Variants in PLEKHA7 observed in about 807,000 individuals in gnomAD.
PLEKHA7 encodes the protein pleckstrin homology domain containing A7.
A neutral mutation model predicts 170.0 loss-of-function variants in PLEKHA7; 104 were observed. The observed-to-expected ratio is 0.61, with a 90% confidence interval of 0.52 to 0.72. PLEKHA7 has a LOEUF of 0.72. PLEKHA7 is among the 30% of genes least tolerant of loss of function. The pLI is 0.00. For synonymous variants in PLEKHA7, 648 were observed against 660.8 expected, an observed-to-expected ratio of 0.98 and a Z score of 0.30; for missense variants, 1,615 against 1,671.7, an observed-to-expected ratio of 0.97 and a Z score of 0.59.
At chr11:16,840,809 C>A (rs537545784) in intron 9 of PLEKHA7, among the ~76,000 whole-genome samples, 1 of 152,194 alleles carries the variant, frequency 6.6e-6, no homozygotes, top group South Asian at 2.1e-4. Flanking sequence ...GGAAGTACCA[C>A]GAATTCCGAA....
intron 3 of PLEKHA7, among the ~76,000 whole-genome samples, chr11:17,003,937 C>T (rs1371464299): frequency 6.6e-6 from 1 of 152,136 alleles, no homozygotes; most frequent in African/African-American, 2.4e-5. Context: ...TTAAGTCCTC[C>T]TGTACATCCT....
intron 3 of PLEKHA7, among the ~76,000 whole-genome samples, chr11:17,012,598 T>C (rs7117262): frequency 0.63 from 96,582 of 152,132 alleles, 31,310 homozygotes; most frequent in East Asian, 0.96. Context: ...TATTATTATT[T>C]GTGTTTTTTA....
At chr11:16,933,315 T>A (rs1860070860) in intron 3 of PLEKHA7, among the ~76,000 whole-genome samples, 1 of 152,238 alleles carries the variant, frequency 6.6e-6, no homozygotes, top group Non-Finnish European at 1.5e-5. Context: ...CCAGTCTGAC[T>A]ACAGTTCCAT....
At chr11:16,993,924 C>T (rs1241282905) in intron 3 of PLEKHA7, among the ~76,000 whole-genome samples, 4 of 152,202 alleles carry the variant, frequency 2.6e-5, no homozygotes, top group African/African-American at 9.6e-5. Context: ...CAAGGAGGTG[C>T]AAGGTGTTAG....
intron 3 of PLEKHA7, among the ~76,000 whole-genome samples, chr11:16,989,792 C>A (rs1863926799): frequency 6.6e-6 from 1 of 151,778 alleles, no homozygotes. Context: ...CCTCTTTTGG[C>A]CCCCCCGCCC....
intron 10 of PLEKHA7, among the ~76,000 whole-genome samples, chr11:16,822,513 A>G (rs1479631103): frequency 6.6e-6 from 1 of 150,566 alleles, no homozygotes; most frequent in Non-Finnish European, 1.5e-5. Flanking sequence ...AAAAAAAAAA[A>G]AAAAAAAAAA....
intron 3 of PLEKHA7, among the ~76,000 whole-genome samples, chr11:17,004,019 GACT>G (rs1864831425): frequency 6.6e-6 from 1 of 152,188 alleles, no homozygotes; most frequent in Non-Finnish European, 1.5e-5. Context: ...TGTCACCTAA[GACT>G]GAACAGGGGG....
At chr11:16,910,564 C>T (rs1227021118) in intron 3 of PLEKHA7, among the ~76,000 whole-genome samples, 2 of 152,188 alleles carry the variant, frequency 1.3e-5, no homozygotes, top group South Asian at 4.1e-4. Context: ...CACGGCTTCC[C>T]CCACTAAAGC....
chr11:16,961,988 G>C (rs1451996346), intron 3 of PLEKHA7, among the ~76,000 whole-genome samples: 1 of 152,214 alleles, frequency 6.6e-6, no homozygotes. Flanking sequence ...AACACACCAG[G>C]TATAAAGCAG....
chr11:16,909,292 A>G (rs1445818143), intron 3 of PLEKHA7, among the ~76,000 whole-genome samples: 1 of 152,220 alleles, frequency 6.6e-6, no homozygotes, highest in African/African-American at 2.4e-5. Context: ...TCAGTTTCTC[A>G]GTCTTTCTAT....
chr11:16,843,535 C>G (rs999316851), intron 8 of PLEKHA7, among the ~76,000 whole-genome samples: 74 of 152,374 alleles, frequency 4.9e-4, no homozygotes, highest in African/African-American at 1.7e-3. Context: ...AGCCAAGGAT[C>G]CCTATAGTGG....
In PLEKHA7 at chr11:16,778,479, T is replaced by TGGGC. The variant is rs1848799923; in HGVS notation, c.*518_*519insGCCC. ...TGGTCATCAGGTCAGGGACAGCTGATCTCTGCAGCCAAGGGCCCCTCTTCT... is the reference window on the plus strand; with the variant it reads ...TGGTCATCAGGTCAGGGACAGCTGATGGGCCTCTGCAGCCAAGGGCCCCTCTTCT... On this transcript the variant is annotated 3_prime_UTR_variant, in exon 27 of 27. Transcript: ENST00000531066. The TGGGC allele has an allele frequency of 5.8e-6, 1 of 173,628 alleles. No homozygotes were observed. Among genetic ancestry groups the TGGGC allele is most frequent in the South Asian group, 1.3e-4 (1 of 7,870 alleles). 10.8% of individuals were successfully genotyped at this position (173,628 alleles called of 1,614,324 possible).
intron 4 of PLEKHA7, among the ~76,000 whole-genome samples, chr11:16,870,641 C>CAAAA (rs11321089): frequency 2.7e-5 from 3 of 110,772 alleles, no homozygotes; most frequent in African/African-American, 1.1e-4. Context: ...GACCCTGCCT[C>CAAAA]AAAAAAAAAA....
chr11:16,958,577 T>C (rs1861851263), intron 3 of PLEKHA7, among the ~76,000 whole-genome samples: 1 of 152,220 alleles, frequency 6.6e-6, no homozygotes, highest in African/African-American at 2.4e-5. Context: ...ATCTCTGTGC[T>C]TTTCCTCTGT....
intron 3 of PLEKHA7, among the ~76,000 whole-genome samples, chr11:16,934,419 A>G (rs938127032): frequency 6.6e-6 from 1 of 152,200 alleles, no homozygotes; most frequent in Admixed American, 6.5e-5. Flanking sequence ...GGAAAAAAAA[A>G]GCAATTTTCA....
At chr11:16,964,746 C>T (rs957174245) in intron 3 of PLEKHA7, among the ~76,000 whole-genome samples, 2 of 152,166 alleles carry the variant, frequency 1.3e-5, no homozygotes, top group East Asian at 1.9e-4. Context: ...CAGGGCACTG[C>T]GCTGCAGTAA....
intron 26 of PLEKHA7, among the ~76,000 whole-genome samples, chr11:16,782,129 A>G (rs1849071185): frequency 6.6e-6 from 1 of 151,146 alleles, no homozygotes; most frequent in Admixed American, 6.7e-5. Flanking sequence ...ACACACATAC[A>G]CACACACATA....
At chr11:16,783,013 T>G in intron 25 of PLEKHA7, 117 bp from the exon 26 acceptor site, 1 of 1,117,356 alleles carries the variant, frequency 8.9e-7, no homozygotes, top group Non-Finnish European at 1.2e-6. Flanking sequence ...AGACAAAAAC[T>G]GTGGTACTTT....
At chr11:16,780,453 T>G (rs1848937886) in intron 26 of PLEKHA7, among the ~76,000 whole-genome samples, 1 of 152,250 alleles carries the variant, frequency 6.6e-6, no homozygotes, top group Non-Finnish European at 1.5e-5. Flanking sequence ...TGACACCAAT[T>G]CTTTGTGACC....
Sources: gnomAD v4.1 joint callset for allele counts (sites outside exome capture counted in the v4.1 genomes callset) on GRCh38, gnomAD v4.1.1 for gene constraint, MANE v1.5 for transcripts, NCBI Gene and HGNC (gene_info 2026-07-23, HGNC 2026-07-21) for gene names.